YAE1: variants seen among roughly 807,000 people sequenced by gnomAD.
YAE1 encodes the protein protein YAE1 homolog.
YAE1 carries 22 observed loss-of-function variants against 23.0 expected under a neutral mutation model. That is an observed-to-expected ratio of 0.96 (90% CI 0.68 to 1.37). YAE1 has a LOEUF of 1.37. Ranked by LOEUF, YAE1 falls within the 40% of genes most tolerant of loss-of-function variation. The probability of loss-of-function intolerance (pLI) is 0.00; values close to 1 mark genes in which losing one functional copy is unlikely to be tolerated. For synonymous variants in YAE1, 101 were observed against 97.0 expected, an observed-to-expected ratio of 1.04 and a Z score of -0.24; for missense variants, 260 against 262.1, an observed-to-expected ratio of 0.99 and a Z score of 0.06.
At chr7:39,570,369 ATTG>A (rs1790546507) in intron 1 of YAE1, 134 bp from the exon 2 acceptor site, 3 of 985,544 alleles carry the variant, frequency 3.0e-6, no homozygotes, top group Non-Finnish European at 4.6e-6. Flanking sequence ...CTTTAGTTAT[ATTG>A]TTATGCCATA....
chr7:39,609,952 A>G (rs778840865), exon 3 of YAE1: 3 of 1,522,210 alleles, frequency 2.0e-6, no homozygotes, highest in South Asian at 2.4e-5. Flanking sequence ...TTTTCAACAT[A>G]TAATAGAATC....
chr7:39,596,638 G>A (rs1790978654), intron 2 of YAE1, among the ~76,000 whole-genome samples: 1 of 151,946 alleles, frequency 6.6e-6, no homozygotes, highest in African/African-American at 2.4e-5. Context: ...CCTGACTCAG[G>A]CACCATTTTC....
At chr7:39,569,702 A>G in intron 1 of YAE1, 1 of 712,056 alleles carries the variant, frequency 1.4e-6, no homozygotes, top group South Asian at 1.4e-5. Context: ...TAAAGTAGTT[A>G]TGGCAAGTCC....
At chr7:39,573,643 T>A (rs1562589982), downstream of YAE1, among the ~76,000 whole-genome samples, 1 of 152,176 alleles carries the variant, frequency 6.6e-6, no homozygotes, top group Admixed American at 6.5e-5. Flanking sequence ...CCTTAATTGC[T>A]CTTTCACCCC....
chr7:39,598,515 AC>A (rs1791010134), intron 2 of YAE1, among the ~76,000 whole-genome samples: 1 of 151,478 alleles, frequency 6.6e-6, no homozygotes, highest in South Asian at 2.1e-4. Context: ...AGTGGCTCAC[AC>A]CTATAATCCC....
intron 2 of YAE1, among the ~76,000 whole-genome samples, chr7:39,586,763 C>T (rs1437469833): frequency 6.6e-6 from 1 of 152,206 alleles, no homozygotes; most frequent in Non-Finnish European, 1.5e-5. Context: ...TCCCAAAGTG[C>T]TGGGATTACA....
intron 2 of YAE1, among the ~76,000 whole-genome samples, chr7:39,608,651 TAC>T (rs1583687886): frequency 6.6e-6 from 1 of 152,208 alleles, no homozygotes; most frequent in East Asian, 1.9e-4. Context: ...CTATTCAACA[TAC>T]GTTTTAGACA....
intron 1 of YAE1, chr7:39,569,657 A>G: frequency 1.5e-6 from 1 of 670,634 alleles, no homozygotes; most frequent in South Asian, 1.4e-5. Context: ...GAAAAACAGC[A>G]TATGATCCCC....
intron 2 of YAE1, chr7:39,570,939 A>T (rs1192561336): frequency 1.3e-5 from 3 of 225,206 alleles, no homozygotes; most frequent in Admixed American, 5.7e-5. Context: ...GTACTTCCAC[A>T]CAGTATGACA....
At chr7:39,600,690 C>G (rs1791043028) in intron 2 of YAE1, among the ~76,000 whole-genome samples, 1 of 152,290 alleles carries the variant, frequency 6.6e-6, no homozygotes, top group South Asian at 2.1e-4. Context: ...AGCCACCGCC[C>G]CTGGCCTGCT....
At chr7:39,569,013 A>G (rs564202642) in intron 1 of YAE1, among the ~76,000 whole-genome samples, 2 of 152,320 alleles carry the variant, frequency 1.3e-5, no homozygotes, top group South Asian at 4.1e-4. Flanking sequence ...GAAAAATTAT[A>G]TCAAATGAGA....
chr7:39,599,938 G>T (rs1583683530), intron 2 of YAE1, among the ~76,000 whole-genome samples: 1 of 152,056 alleles, frequency 6.6e-6, no homozygotes, highest in African/African-American at 2.4e-5. Context: ...GATGATATTT[G>T]CATAGTATTC....
downstream of YAE1, among the ~76,000 whole-genome samples, chr7:39,575,014 G>T (rs1219071944): frequency 6.6e-6 from 1 of 152,220 alleles, no homozygotes; most frequent in Non-Finnish European, 1.5e-5. Context: ...AAGAATGAAG[G>T]GAAAGAGCTT....
At chr7:39,584,056 T>C (rs184522890) in intron 2 of YAE1, among the ~76,000 whole-genome samples, 1 of 152,176 alleles carries the variant, frequency 6.6e-6, no homozygotes, top group Non-Finnish European at 1.5e-5. Context: ...ACCGCTATCA[T>C]GAAACTCTGC....
chr7:39,569,662 A>AT, intron 1 of YAE1: 1 of 676,444 alleles, frequency 1.5e-6, no homozygotes, highest in Admixed American at 1.8e-5. Flanking sequence ...ACAGCATATG[A>AT]TCCCCACACT....
downstream of YAE1, among the ~76,000 whole-genome samples, chr7:39,576,959 A>G (rs1434386595): frequency 3.3e-5 from 5 of 152,154 alleles, no homozygotes; most frequent in Admixed American, 2.0e-4. Flanking sequence ...CAATGGCGCA[A>G]TCTCGGCTCA....
chr7:39,609,214 G>A (rs568906158), intron 2 of YAE1, among the ~76,000 whole-genome samples: 39 of 152,338 alleles, frequency 2.6e-4, no homozygotes, highest in Middle Eastern at 3.4e-3. Flanking sequence ...GCCCCCAGGG[G>A]AAGAGCTGCA....
At chr7:39,603,761 G>C (rs2115847852) in intron 2 of YAE1, among the ~76,000 whole-genome samples, 1 of 152,262 alleles carries the variant, frequency 6.6e-6, no homozygotes, top group Admixed American at 6.5e-5. Context: ...TATTATGGGA[G>C]TGGATTTTTT....
chr7:39,601,206 T>C (rs573351398), intron 2 of YAE1, among the ~76,000 whole-genome samples: 1 of 152,360 alleles, frequency 6.6e-6, no homozygotes, highest in African/African-American at 2.4e-5. Context: ...CAGCATCATA[T>C]TACTAAGTTC....
Sources: allele counts gnomAD v4.1 joint callset (sites outside exome capture counted in the v4.1 genomes callset), GRCh38; gene constraint gnomAD v4.1.1; transcripts MANE v1.5; gene names NCBI Gene and HGNC (gene_info 2026-07-23, HGNC 2026-07-21).